The following DACH2 variants were observed in gnomAD, a reference collection of about 807,000 sequenced individuals.
DACH2 encodes dachshund family transcription factor 2.
In DACH2, 17 loss-of-function variants were observed where a neutral mutation model predicts 35.8. The observed-to-expected ratio is 0.48, with a 90% CI of 0.33 to 0.71. The LOEUF is 0.71. Among genes scored for constraint, DACH2 ranks in the 30% least tolerant of loss-of-function variants. The pLI, the probability that DACH2 is intolerant of heterozygous loss-of-function variation, is 0.02. For missense variants in DACH2, 469 were observed against 472.7 expected, an observed-to-expected ratio of 0.99 and a Z score of 0.07; for synonymous variants, 195 against 177.3, an observed-to-expected ratio of 1.10 and a Z score of -0.79.
chrX:86,509,441 C>A (rs1027816863), intron 2 of DACH2, among the ~76,000 whole-genome samples: 1 of 111,596 alleles, frequency 9.0e-6, no homozygotes, highest in African/African-American at 3.3e-5. Context: ...TGGATGACTT[C>A]TTCCTGGTTG....
intron 7 of DACH2, among the ~76,000 whole-genome samples, chrX:86,757,247 T>C (rs550205418): frequency 1.8e-5 from 2 of 111,822 alleles, no homozygotes; most frequent in South Asian, 7.4e-4. Flanking sequence ...GTAGCACTAT[T>C]CATAAGAGCC....
chrX:86,524,265 G>C (rs147043017), intron 3 of DACH2, among the ~76,000 whole-genome samples: 3 of 112,310 alleles, frequency 2.7e-5, no homozygotes, highest in African/African-American at 6.5e-5. Context: ...CTGCTGACAG[G>C]GGGTGGAGTT....
chrX:86,329,519 C>A (rs774924270), intron 1 of DACH2, among the ~76,000 whole-genome samples: 2 of 110,824 alleles, frequency 1.8e-5, no homozygotes, highest in East Asian at 2.9e-4. Context: ...GGGGTCATGA[C>A]CCTGTCTAAA....
intron 1 of DACH2, among the ~76,000 whole-genome samples, chrX:86,223,635 C>A (rs2032761118): frequency 8.9e-6 from 1 of 111,829 alleles, no homozygotes; most frequent in Non-Finnish European, 1.9e-5. Context: ...CTTTCTTACA[C>A]CAGAAAACGG....
At chrX:86,718,280 C>T (rs2041360957) in intron 6 of DACH2, among the ~76,000 whole-genome samples, 1 of 111,164 alleles carries the variant, frequency 9.0e-6, no homozygotes, top group African/African-American at 3.3e-5. Flanking sequence ...GCCTGTTAGC[C>T]ATTTGTATGT....
intron 1 of DACH2, among the ~76,000 whole-genome samples, chrX:86,296,380 C>CAAA (rs61713614): frequency 2.8e-4 from 19 of 68,427 alleles, no homozygotes; most frequent in African/African-American, 4.0e-4. Flanking sequence ...GACTCCATCT[C>CAAA]AAAAAAAAAA....
At chrX:86,641,829 C>T (rs1413833636) in intron 3 of DACH2, among the ~76,000 whole-genome samples, 3 of 111,906 alleles carry the variant, frequency 2.7e-5, no homozygotes, top group African/African-American at 9.8e-5. Flanking sequence ...AAAAAATCTT[C>T]AACCAATAAT....
chrX:86,197,858 A>G (rs2032035633), intron 1 of DACH2, among the ~76,000 whole-genome samples: 2 of 111,744 alleles, frequency 1.8e-5, no homozygotes, highest in South Asian at 7.4e-4. Flanking sequence ...GATCATCAAG[A>G]CAGAAAATTA....
At chrX:86,484,561 C>A (rs1319868903) in intron 2 of DACH2, among the ~76,000 whole-genome samples, 1 of 112,047 alleles carries the variant, frequency 8.9e-6, no homozygotes, top group Admixed American at 9.5e-5. Context: ...TCTTCAAAGG[C>A]GCTCTGACTT....
intron 3 of DACH2, among the ~76,000 whole-genome samples, chrX:86,540,099 C>T (rs1251189887): frequency 8.9e-6 from 1 of 111,847 alleles, no homozygotes; most frequent in Non-Finnish European, 1.9e-5. Context: ...AAACTCAATA[C>T]ATCTTTAAGC....
chrX:86,336,671 C>A (rs2035317461), intron 1 of DACH2, among the ~76,000 whole-genome samples: 1 of 110,926 alleles, frequency 9.0e-6, no homozygotes, highest in African/African-American at 3.3e-5. Flanking sequence ...CTCTTCTCCT[C>A]CAAAGGATCA....
At chrX:86,518,245 A>G (rs1483273358) in intron 3 of DACH2, among the ~76,000 whole-genome samples, 2 of 111,842 alleles carry the variant, frequency 1.8e-5, no homozygotes, top group African/African-American at 6.5e-5. Flanking sequence ...AAACTGTTCC[A>G]TTGGTCTGTG....
intron 4 of DACH2, among the ~76,000 whole-genome samples, chrX:86,687,004 C>A (rs1323768365): frequency 1.8e-5 from 2 of 112,181 alleles, no homozygotes; most frequent in African/African-American, 6.5e-5. Context: ...CATATTAGCC[C>A]TATTTTTAGA....
chrX:86,610,687 A>T (rs2039932855), intron 3 of DACH2, among the ~76,000 whole-genome samples: 1 of 110,127 alleles, frequency 9.1e-6, no homozygotes, highest in Admixed American at 9.8e-5. Context: ...AGCTCAAGCA[A>T]TCTGCCCACC....
chrX:86,541,385 T>A (rs1397059252), intron 3 of DACH2, among the ~76,000 whole-genome samples: 2 of 111,239 alleles, frequency 1.8e-5, no homozygotes, highest in Non-Finnish European at 3.8e-5. Context: ...TCCCCCCTTG[T>A]CTAGCACGGT....
At position 86,543,444 on chromosome X, in the gene DACH2, G is replaced by A. The variant is rs183788003; in HGVS notation, c.640+29053G>A. ...AATGTCTTCTCACCTCCAAACGACT[G>A]CACTAGTTCCACAGCAATGGTTCTA... is the stretch of plus-strand genomic sequence containing the variant. On this transcript the variant is annotated intron_variant, in intron 3 of 11. Coordinates refer to ENST00000373125, the MANE Select transcript of DACH2 (RefSeq NM_053281.3). Among the ~76,000 whole-genome samples, 342 of 111,698 alleles carry A rather than the reference G, an allele frequency of 3.1e-3. 1 individual carries two copies. Among genetic ancestry groups the A allele is most frequent in the Non-Finnish European group, 5.4e-3 (286 of 53,140 alleles).
intron 3 of DACH2, among the ~76,000 whole-genome samples, chrX:86,543,608 G>A (rs937400976): frequency 9.0e-6 from 1 of 110,800 alleles, no homozygotes; most frequent in Non-Finnish European, 1.9e-5. Context: ...GGAGATGAAA[G>A]ATGAAATGGC....
At chrX:86,392,943 A>G (rs779587960) in intron 2 of DACH2, among the ~76,000 whole-genome samples, 23 of 110,929 alleles carry the variant, frequency 2.1e-4, no homozygotes, top group Non-Finnish European at 3.8e-4. Context: ...GGCTGTCGCA[A>G]TGGGTGGTGG....
At chrX:86,495,024 A>C (rs898682860) in intron 2 of DACH2, among the ~76,000 whole-genome samples, 5 of 111,323 alleles carry the variant, frequency 4.5e-5, no homozygotes, top group Non-Finnish European at 7.5e-5. Flanking sequence ...TATTAATGAG[A>C]TAGTTTGCAT....
Sources: allele counts gnomAD v4.1 joint callset (sites outside exome capture counted in the v4.1 genomes callset), GRCh38; gene constraint gnomAD v4.1.1; transcripts MANE v1.5; gene names NCBI Gene and HGNC (gene_info 2026-07-23, HGNC 2026-07-21).